The following ANK3 variants were observed in gnomAD, a reference collection of about 807,000 sequenced individuals.
The protein encoded by ANK3 is ankyrin-3.
In ANK3, 57 loss-of-function variants were observed where a neutral mutation model predicts 370.9. That is an observed-to-expected ratio of 0.15 (90% CI 0.12 to 0.19). The LOEUF is 0.19. Ranked by LOEUF, ANK3 falls within the 10% of genes least tolerant of loss-of-function variation. ANK3 has a pLI of 1.00. For missense variants in ANK3, 4,439 were observed against 5,302.1 expected (o/e 0.84, Z 5.06); for synonymous variants, 1,929 against 1,946.3 (o/e 0.99, Z 0.23).
chr10:60,523,615 C>T lies in ANK3; in HGVS notation c.96+91571G>A, dbSNP rs1310093140. Among the ~76,000 whole-genome samples, 18 of 151,946 alleles carry T rather than the reference C, an allele frequency of 1.2e-4. No individual in the cohort carries two copies. In the East Asian group the frequency reaches 2.9e-3, roughly 25 times the overall value. ...CATAGTATTCCATGGTGTATATGTG[C>T]CACATTTTCTTAATCCAGTCTATTG... On this transcript the variant is annotated intron_variant, in intron 2 of 43. Coordinates refer to the ANK3 transcript ENST00000373827.
At position 60,257,665 on chromosome 10, in the gene ANK3, C is replaced by T. The variant is rs907460242; in HGVS notation, c.798+4194G>A. Among the ~76,000 whole-genome samples the T allele has an allele frequency of 2.0e-5, 3 of 152,032 alleles. 1 individual carries two copies. In the South Asian group the frequency reaches 6.2e-4, roughly 31 times the overall value. ...ACTATATATATCAAAGCTTTTAAGG[C>T]CTATATTTATTTTCCATTGTATTTA... is the stretch of plus-strand genomic sequence containing the variant. On this transcript the variant is annotated intron_variant, in intron 7 of 43. Transcript: ENST00000280772.
intron 2 of ANK3, among the ~76,000 whole-genome samples, chr10:60,595,878 C>T (rs560073194): frequency 6.6e-6 from 1 of 152,244 alleles, no homozygotes; most frequent in African/African-American, 2.4e-5. Context: ...TTCTCACTAT[C>T]ATAATTTTTG....
chr10:60,455,549 A>C (rs768839961), intron 2 of ANK3, among the ~76,000 whole-genome samples: 1 of 152,160 alleles, frequency 6.6e-6, no homozygotes, highest in African/African-American at 2.4e-5. Flanking sequence ...TTATATGTTC[A>C]TTGTTTAAAT....
chr10:60,567,745 A>T lies in ANK3; in HGVS notation c.96+47441T>A, dbSNP rs529538432. On this transcript the variant is annotated intron_variant, in intron 2 of 43. Transcript: ENST00000373827. Reference sequence around the variant, plus strand: ...GGATTCACTATTCTAGATCCCATTAAGCACATGTGTGATTCTTGGGAGGAG... The same window carrying T: ...GGATTCACTATTCTAGATCCCATTATGCACATGTGTGATTCTTGGGAGGAG... 1.8e-4 allele frequency among the ~76,000 whole-genome samples: 28 copies of T among 152,368 alleles called. No individual in the cohort carries two copies. In the South Asian group the frequency reaches 5.8e-3, roughly 32 times the overall value.
At chr10:60,187,650 T>TA (rs1176144136) in intron 16 of ANK3, among the ~76,000 whole-genome samples, 1 of 152,092 alleles carries the variant, frequency 6.6e-6, no homozygotes, top group Non-Finnish European at 1.5e-5. Flanking sequence ...TTCTTTTATT[T>TA]AAAAAAATAC....
chr10:60,372,469 A>G (rs535400692), intron 1 of ANK3, among the ~76,000 whole-genome samples: 1 of 152,334 alleles, frequency 6.6e-6, no homozygotes, highest in African/African-American at 2.4e-5. Flanking sequence ...CAGCACCAAC[A>G]TATCACTATC....
intron 2 of ANK3, among the ~76,000 whole-genome samples, chr10:60,494,588 T>C (rs2075605346): frequency 6.6e-6 from 1 of 152,148 alleles, no homozygotes; most frequent in Non-Finnish European, 1.5e-5. Context: ...CGGTAAATAT[T>C]TGTAAAATGA....
intron 1 of ANK3, among the ~76,000 whole-genome samples, chr10:60,334,962 CTG>C (rs1453955105): frequency 2.0e-5 from 3 of 152,026 alleles, no homozygotes; most frequent in Non-Finnish European, 4.4e-5. Flanking sequence ...GTTTGAAACA[CTG>C]TACTGGCTTT....
intron 7 of ANK3, among the ~76,000 whole-genome samples, chr10:60,241,565 G>T (rs2097458988): frequency 6.6e-6 from 1 of 151,964 alleles, no homozygotes; most frequent in South Asian, 2.1e-4. Flanking sequence ...AAGACCCCAG[G>T]TTTCCCAACT....
In ANK3 at chr10:60,070,758, G is replaced by C; in HGVS notation, c.10123C>G (p.Leu3375Val). The change falls in exon 37 of 44, where the codon CTT becomes GTT. Residue 3375 changes from leucine to valine, a missense_variant. Leu to Val is a conservative substitution (Grantham distance 32, BLOSUM62 1). Coordinates refer to ENST00000280772, the MANE Select transcript of ANK3 (RefSeq NM_020987.5). The surrounding 1 kb of genome is among the most constrained non-coding windows in gnomAD (Gnocchi z 5.7). ...SGKDNEFGLG[L>V]DSPQNEIAQN... is the part of the protein sequence containing the mutation. Reference sequence around the variant, plus strand: ...GCAATTTCATTCTGAGGTGAATCAAGGCCAAGGCCAAATTCATTATCTTTT... The same window carrying C: ...GCAATTTCATTCTGAGGTGAATCAACGCCAAGGCCAAATTCATTATCTTTT... The C allele has an allele frequency of 6.2e-7, 1 of 1,614,150 alleles. No homozygotes were observed. The highest frequency in any genetic ancestry group is 8.5e-7 in the Non-Finnish European group (1 of 1,180,014).
At chr10:60,035,505 G>A (rs1460406624) in intron 43 of ANK3, among the ~76,000 whole-genome samples, 1 of 151,618 alleles carries the variant, frequency 6.6e-6, no homozygotes, top group African/African-American at 2.4e-5. Flanking sequence ...CACCTGCCTT[G>A]GCCTCCCGAA....
rs1174798412 is a variant in ANK3, at chr10:60,677,550, A to C, written c.57+55713T>G. Reference sequence around the variant, plus strand: ...GTTTTCCTACTCTAATAAGCAGTTTACAAGGTTGCAACCTTACCATTCCAG... The same window carrying C: ...GTTTTCCTACTCTAATAAGCAGTTTCCAAGGTTGCAACCTTACCATTCCAG... On this transcript the variant is annotated intron_variant, in intron 1 of 43. Coordinates refer to the ANK3 transcript ENST00000373827. Among the ~76,000 whole-genome samples, 3 of 152,178 alleles carry C rather than the reference A, an allele frequency of 2.0e-5. No individual in the cohort carries two copies. The East Asian group carries it at 5.8e-4, about 29-fold the overall frequency.
chr10:60,628,788 T>C (rs750268931), intron 1 of ANK3, among the ~76,000 whole-genome samples: 1 of 152,234 alleles, frequency 6.6e-6, no homozygotes, highest in Non-Finnish European at 1.5e-5. Flanking sequence ...GCTGACTTGT[T>C]GTCATAACAC....
chr10:60,477,508 G>GACATACACAC (rs1279888980), intron 2 of ANK3, among the ~76,000 whole-genome samples: 8 of 116,558 alleles, frequency 6.9e-5, no homozygotes, highest in South Asian at 5.7e-4. Flanking sequence ...CTGACAGACA[G>GACATACACAC]ACAGACATAC....
At chr10:60,648,156 T>TC (rs1554800543) in intron 1 of ANK3, among the ~76,000 whole-genome samples, 1 of 81,548 alleles carries the variant, frequency 1.2e-5, no homozygotes, top group East Asian at 3.1e-4. Flanking sequence ...CTTTTTTTTT[T>TC]CCTTTTTTTT....
intron 2 of ANK3, among the ~76,000 whole-genome samples, chr10:60,461,055 C>T (rs1210350155): frequency 6.6e-6 from 1 of 152,160 alleles, no homozygotes; most frequent in Non-Finnish European, 1.5e-5. Flanking sequence ...ACTCAAAATG[C>T]ATGTTCATTT....
intron 2 of ANK3, among the ~76,000 whole-genome samples, chr10:60,601,805 T>A (rs1469640355): frequency 3.9e-5 from 6 of 152,180 alleles, no homozygotes; most frequent in African/African-American, 1.4e-4. Flanking sequence ...AAACTGGGCA[T>A]GGAGTCTGTA....
At chr10:60,268,966 T>C (rs2097920218) in intron 5 of ANK3, among the ~76,000 whole-genome samples, 1 of 152,206 alleles carries the variant, frequency 6.6e-6, no homozygotes, top group African/African-American at 2.4e-5. Flanking sequence ...TATTTAGTGG[T>C]TTCCCTAGAA....
rs148126529 is a variant in ANK3 at position 60,316,102 on chromosome 10, G to A, written c.115-36463C>T. Among the ~76,000 whole-genome samples, 83 of 152,232 alleles carry A rather than the reference G, an allele frequency of 5.5e-4. 1 individual carries two copies. The highest frequency in any genetic ancestry group is 3.4e-3 in the Middle Eastern group (1 of 294). ...AAGGTTCCCCTGTGCCACAGCTTCTGTGGAGAGAGACAGGGAGGACTTGAG... is the reference window on the plus strand; with the variant it reads ...AAGGTTCCCCTGTGCCACAGCTTCTATGGAGAGAGACAGGGAGGACTTGAG... On this transcript the variant is annotated intron_variant, in intron 1 of 43. Coordinates refer to ENST00000280772, the MANE Select transcript of ANK3 (RefSeq NM_020987.5).
Sources: allele counts gnomAD v4.1 joint callset (sites outside exome capture counted in the v4.1 genomes callset), GRCh38; gene constraint gnomAD v4.1.1; non-coding constraint Gnocchi (gnomAD v3.1); transcripts MANE v1.5; gene names NCBI Gene and HGNC (gene_info 2026-07-23, HGNC 2026-07-21).